The following CABP7 variants were observed in gnomAD, a reference collection of about 807,000 sequenced individuals.
CABP7 encodes the protein calcium binding protein 7, also known as calcium-binding protein 7.
A neutral mutation model predicts 23.1 loss-of-function variants in CABP7; 13 were observed. That is an observed-to-expected ratio of 0.56 (90% CI 0.37 to 0.90). The LOEUF (loss-of-function observed/expected upper bound fraction) is 0.90, where lower values mean the gene tolerates loss of function less well. CABP7 is among the 40% of genes least tolerant of loss of function. The pLI is 0.01. For missense variants in CABP7, 248 were observed against 295.6 expected (o/e 0.84, Z 1.18); for synonymous variants, 123 against 115.3 (o/e 1.07, Z -0.43).
chr22:29,723,012 C>T (rs1400282660), intron 1 of CABP7, among the ~76,000 whole-genome samples: 1 of 152,214 alleles, frequency 6.6e-6, no homozygotes, highest in Non-Finnish European at 1.5e-5. Flanking sequence ...TGGGCAATCG[C>T]TCACCTCTCT....
Position 29,731,375 on chromosome 22 carries a change from G to A in CABP7, c.*1806G>A, listed in dbSNP as rs760908476. ...CAGCCCTAGAGAGAGAGAGAGAAGCGGGGAGAATAAGAGTGCACTACAGCC... is the reference window on the plus strand; with the variant it reads ...CAGCCCTAGAGAGAGAGAGAGAAGCAGGGAGAATAAGAGTGCACTACAGCC... On this transcript the variant is annotated 3_prime_UTR_variant, in exon 5 of 5. Coordinates refer to ENST00000216144, the MANE Select transcript of CABP7 (RefSeq NM_182527.3). The A allele has an allele frequency of 1.2e-5, 18 of 1,542,596 alleles. No homozygotes were observed. The highest frequency in any genetic ancestry group is 2.6e-5 in the East Asian group (1 of 38,546).
chr22:29,728,521 G>T, intron 2 of CABP7, 109 bp from the exon 3 acceptor site: 1 of 675,576 alleles, frequency 1.5e-6, no homozygotes, highest in Non-Finnish European at 2.6e-6. Flanking sequence ...CCTGCCTAAG[G>T]CCACCCGGTA....
rs1326000566 is a variant in CABP7 at position 29,720,013 on chromosome 22, C to T, written c.-412C>T. 6.7e-6 allele frequency: 1 copy of T among 148,808 alleles called. No individual in the cohort carries two copies. The allele number at this position is 148,808 out of a possible 1,614,324, so 9.2% of individuals were successfully genotyped here. On this transcript the variant is annotated 5_prime_UTR_variant, in exon 1 of 5. Coordinates refer to ENST00000216144, the MANE Select transcript of CABP7 (RefSeq NM_182527.3). The surrounding 1 kb of genome is among the most constrained non-coding windows in gnomAD (Gnocchi z 5.2). ...CGCAGCCAGCGCGGCACAGAACGAG[C>T]GAGCGAGCGAGCGGAGAGGCGGCTA...
chr22:29,729,890 G>T lies in CABP7; in HGVS notation c.*321G>T, dbSNP rs1004793518. On this transcript the variant is annotated 3_prime_UTR_variant, in exon 5 of 5. Coordinates refer to ENST00000216144, the MANE Select transcript of CABP7 (RefSeq NM_182527.3). ...GAGGGATTTGCACAGGAACCCCCAG[G>T]ACCCAGTCGCTGCTGTGGTCCCTTG... 9.2e-5 allele frequency: 32 copies of T among 347,166 alleles called. No individual in the cohort carries two copies. The highest frequency in any genetic ancestry group is 1.7e-4 in the Non-Finnish European group (31 of 187,024). The allele number at this position is 347,166 out of a possible 1,614,324, so 21.5% of individuals were successfully genotyped here.
At chr22:29,726,180 A>G (rs774053689) in intron 1 of CABP7, among the ~76,000 whole-genome samples, 34 of 152,108 alleles carry the variant, frequency 2.2e-4, no homozygotes, top group Non-Finnish European at 4.3e-4. Context: ...GGAAGTCCAG[A>G]GTCAGAAAGT....
At chr22:29,724,783 C>G (rs1026913484) in intron 1 of CABP7, among the ~76,000 whole-genome samples, 4 of 152,136 alleles carry the variant, frequency 2.6e-5, no homozygotes, top group African/African-American at 9.7e-5. Context: ...GTAAGCCTTG[C>G]CTGAGAAAAG....
chr22:29,725,921 G>GCTCT (rs1362854726), intron 1 of CABP7, among the ~76,000 whole-genome samples: 1 of 152,152 alleles, frequency 6.6e-6, no homozygotes, highest in East Asian at 1.9e-4. Flanking sequence ...GAGGCTCTAG[G>GCTCT]GACCGGAATC....
At chr22:29,729,268 CG>C in intron 4 of CABP7, 60 bp downstream of exon 4, 1 of 1,551,488 alleles carries the variant, frequency 6.4e-7, no homozygotes, top group Non-Finnish European at 8.8e-7. Context: ...GGGGGACGCA[CG>C]GGGTGGGGAG....
chr22:29,727,887 G>A lies in CABP7; in HGVS notation c.253+82G>A, dbSNP rs2067807969. The A allele has an allele frequency of 1.3e-6, 2 of 1,481,712 alleles. No homozygotes were observed. Among genetic ancestry groups the A allele is most frequent in the Non-Finnish European group, 1.8e-6 (2 of 1,105,164 alleles). The allele number at this position is 1,481,712 out of a possible 1,614,324, so 91.8% of individuals were successfully genotyped here. The stretch of plus-strand genomic sequence containing the variant: ...CAGGGGCTGGGGCCTGAGCTGCTGA[G>A]GCTGCATCCAAATTGGGTCTCTCGC... On this transcript the variant is annotated intron_variant, in intron 2 of 4. Coordinates refer to ENST00000216144, the MANE Select transcript of CABP7 (RefSeq NM_182527.3). This position sits in a 1 kb window ranked among gnomAD's most constrained non-coding sequence, Gnocchi z 4.2.
chr22:29,723,610 C>T (rs114532720), intron 1 of CABP7, among the ~76,000 whole-genome samples: 2,688 of 152,320 alleles, frequency 0.018, 81 homozygotes, highest in African/African-American at 0.061. Context: ...TGACACTTGG[C>T]CTGCCCAGTC....
Position 29,728,664 on chromosome 22 carries a change from C to T in CABP7, c.288C>T (p.Thr96=), listed in dbSNP as rs1906974779. The T allele has an allele frequency of 6.2e-7, 1 of 1,613,464 alleles. No homozygotes were observed. The highest frequency in any genetic ancestry group is 8.5e-7 in the Non-Finnish European group (1 of 1,179,836). Residue 96 remains threonine, a synonymous_variant, in exon 3 of 5, where the codon ACC becomes ACT. Coordinates refer to ENST00000216144, the MANE Select transcript of CABP7 (RefSeq NM_182527.3). ...DGQVDFEEFV[T]LLGPKLSTSG... ...AAGTGGACTTTGAGGAGTTTGTGAC[C>T]CTTCTGGGACCCAAACTCTCCACCT...
At chr22:29,729,412 C>A (rs1455446934) in intron 4 of CABP7, 30 bp from the exon 5 acceptor site, 12 of 1,605,314 alleles carry the variant, frequency 7.5e-6, no homozygotes, top group African/African-American at 1.3e-5. Flanking sequence ...CCCCTTCTGT[C>A]TCCCCGGTGC....
At position 29,720,614 on chromosome 22, in the gene CABP7, C is replaced by A; in HGVS notation, c.109+81C>A. 2 of 709,100 alleles carry A rather than the reference C, an allele frequency of 2.8e-6. No individual in the cohort carries two copies. Among genetic ancestry groups the A allele is most frequent in the South Asian group, 2.3e-5 (1 of 43,150 alleles). 43.9% of individuals were successfully genotyped at this position (709,100 alleles called of 1,614,324 possible). A position where few individuals can be genotyped will look rare whatever the true frequency, so the allele number is the denominator to read the frequency against. ...GAAGCGCGGGCCAGGGGCGCGGGGG[C>A]GGGGGGCGGGGGGCGGTCCGCAGGT... is the stretch of plus-strand genomic sequence containing the variant. On this transcript the variant is annotated intron_variant, in intron 1 of 4. Transcript: ENST00000216144. The surrounding 1 kb of genome is among the most constrained non-coding windows in gnomAD (Gnocchi z 5.2).
chr22:29,721,150 C>G (rs2067759239), intron 1 of CABP7, among the ~76,000 whole-genome samples: 1 of 152,076 alleles, frequency 6.6e-6, no homozygotes. Flanking sequence ...AACAAGTGGC[C>G]GGACTGGGCG....
intron 1 of CABP7, among the ~76,000 whole-genome samples, chr22:29,723,538 C>T (rs1310356481): frequency 3.3e-5 from 5 of 152,156 alleles, no homozygotes; most frequent in East Asian, 1.9e-4. Flanking sequence ...CCTTTCTGGC[C>T]GAAGAGAGGA....
intron 3 of CABP7, 129 bp from the exon 4 acceptor site, chr22:29,728,926 T>C: frequency 7.8e-7 from 1 of 1,282,634 alleles, no homozygotes; most frequent in South Asian, 1.3e-5. Context: ...AAGGACTCTC[T>C]GGGGGAATGG....
rs1244877676 is a variant in CABP7, at chr22:29,730,572, G to A, written c.*1003G>A. 1 of 152,576 alleles carries A rather than the reference G, an allele frequency of 6.6e-6. No individual in the cohort carries two copies. The highest frequency in any genetic ancestry group is 1.5e-5 in the Non-Finnish European group (1 of 68,290). The allele number at this position is 152,576 out of a possible 1,614,324, so 9.5% of individuals were successfully genotyped here. On this transcript the variant is annotated 3_prime_UTR_variant, in exon 5 of 5. Coordinates refer to ENST00000216144, the MANE Select transcript of CABP7 (RefSeq NM_182527.3). ...TGCGCCAGGCCACTCTCTCAGCCCA[G>A]GGCCTGCCCTCCTGTCCTCCCACTT...
rs753050346 is a variant in CABP7, at chr22:29,731,290, G to A, written c.*1721G>A. On this transcript the variant is annotated 3_prime_UTR_variant, in exon 5 of 5. Transcript: ENST00000216144. Reference sequence around the variant, plus strand: ...GGTGGGGGTGCCCGCAGGGATGGAGGCAGCTCCTGAACTGGTGGCCAGCCC... The same window carrying A: ...GGTGGGGGTGCCCGCAGGGATGGAGACAGCTCCTGAACTGGTGGCCAGCCC... 1.5e-5 allele frequency: 23 copies of A among 1,525,142 alleles called. No individual in the cohort carries two copies. The East Asian group carries it at 6.0e-4, about 40-fold the overall frequency. The allele number at this position is 1,525,142 out of a possible 1,614,324, so 94.5% of individuals were successfully genotyped here.
Position 29,731,139 on chromosome 22 carries a change from A to G in CABP7, c.*1570A>G. The G allele has an allele frequency of 1.4e-6, 2 of 1,381,304 alleles. No homozygotes were observed. The highest frequency in any genetic ancestry group is 1.9e-6 in the Non-Finnish European group (2 of 1,054,150). 85.6% of individuals were successfully genotyped at this position (1,381,304 alleles called of 1,614,324 possible). A position where few individuals can be genotyped will look rare whatever the true frequency, so the allele number is the denominator to read the frequency against. On this transcript the variant is annotated 3_prime_UTR_variant, in exon 5 of 5. Coordinates refer to ENST00000216144, the MANE Select transcript of CABP7 (RefSeq NM_182527.3). ...CTGGGCAGATGGTCTCGGAGCCTCC[A>G]TGGGGCGTAGCAGGAACCGGGCTTG...
Sources: allele counts gnomAD v4.1 joint callset (sites outside exome capture counted in the v4.1 genomes callset), GRCh38; gene constraint gnomAD v4.1.1; non-coding constraint Gnocchi (gnomAD v3.1); transcripts MANE v1.5; gene names NCBI Gene and HGNC (gene_info 2026-07-23, HGNC 2026-07-21).